CACNA1C: variants seen among roughly 807,000 people sequenced by gnomAD.
The protein encoded by CACNA1C is voltage-dependent L-type calcium channel subunit alpha-1C.
CACNA1C carries 30 observed loss-of-function variants against 229.0 expected under a neutral mutation model. The observed-to-expected ratio is 0.13, with a 90% CI of 0.10 to 0.18. The LOEUF (loss-of-function observed/expected upper bound fraction) is 0.18. Among genes scored for constraint, CACNA1C ranks in the 10% least tolerant of loss-of-function variants. The pLI is 1.00. For missense variants in CACNA1C, 1,658 were observed against 2,845.0 expected (o/e 0.58, Z 9.49); for synonymous variants, 1,114 against 1,132.5 (o/e 0.98, Z 0.33).
chr12:2,321,542 A>G (rs147885472), intron 3 of CACNA1C, among the ~76,000 whole-genome samples: 58 of 152,278 alleles, frequency 3.8e-4, no homozygotes, highest in African/African-American at 1.3e-3. Flanking sequence ...CTCTGGGGAT[A>G]AAGCAGTGGC....
At position 2,608,780 on chromosome 12, in the gene CACNA1C, C is replaced by T. The variant is rs544678739; in HGVS notation, c.3558+68C>T. 1.7e-5 allele frequency: 25 copies of T among 1,505,250 alleles called. No individual in the cohort carries two copies. The highest frequency in any genetic ancestry group is 1.5e-4 in the African/African-American group (11 of 72,800). 93.2% of individuals were successfully genotyped at this position (1,505,250 alleles called of 1,614,324 possible). A position where few individuals can be genotyped will look rare whatever the true frequency, so the allele number is the denominator to read the frequency against. On this transcript the variant is annotated intron_variant, in intron 27 of 46. Transcript: ENST00000399655. This position sits in a 1 kb window ranked among gnomAD's most constrained non-coding sequence, Gnocchi z 4.2. ...GGGAATGGCAGCCTGCGGCCCACCC[C>T]GCAGAGGGGCTGCGACAGGGAGAGG...
intron 3 of CACNA1C, among the ~76,000 whole-genome samples, chr12:2,350,783 C>T (rs1317242281): frequency 6.6e-6 from 1 of 152,218 alleles, no homozygotes; most frequent in African/African-American, 2.4e-5. Flanking sequence ...TTCGCAGGCA[C>T]CTCCCCATGT....
intron 29 of CACNA1C, among the ~76,000 whole-genome samples, chr12:2,623,996 G>A (rs2084861135): frequency 6.6e-6 from 1 of 152,174 alleles, no homozygotes; most frequent in Non-Finnish European, 1.5e-5. Context: ...GGGAAATTCT[G>A]GCTCAAGTGT....
chr12:2,667,028 C>T (rs191901140), intron 37 of CACNA1C, among the ~76,000 whole-genome samples: 63 of 152,264 alleles, frequency 4.1e-4, no homozygotes, highest in Admixed American at 2.4e-3. Context: ...CTGCACCATC[C>T]GGGCATCCTG....
At chr12:2,004,788 G>A (rs1278037667) in intron 1 of CACNA1C, 4 of 244,076 alleles carry the variant, frequency 1.6e-5, no homozygotes, top group Non-Finnish European at 3.2e-5. Context: ...CTTTTCTTTG[G>A]CGCTTCAGTG....
At chr12:2,043,906 C>T (rs1383704386) in intron 1 of CACNA1C, among the ~76,000 whole-genome samples, 3 of 151,784 alleles carry the variant, frequency 2.0e-5, no homozygotes, top group East Asian at 3.9e-4. Flanking sequence ...CCACCCGCCT[C>T]GGCCTCCCAA....
At chr12:2,018,087 A>G (rs2429136) in intron 1 of CACNA1C, 30,657 of 152,218 alleles carry the variant, frequency 0.2, 3,315 homozygotes, top group African/African-American at 0.24. Context: ...TAACAGAACA[A>G]TAAATCAAGC....
chr12:2,509,605 A>G (rs1002376809), intron 8 of CACNA1C, among the ~76,000 whole-genome samples: 2 of 152,180 alleles, frequency 1.3e-5, no homozygotes, highest in Non-Finnish European at 1.5e-5. Flanking sequence ...AGCTTATTTA[A>G]TGCACGTGTT....
chr12:2,529,152 T>A (rs972576364), intron 9 of CACNA1C, among the ~76,000 whole-genome samples: 1 of 152,216 alleles, frequency 6.6e-6, no homozygotes, highest in Non-Finnish European at 1.5e-5. Context: ...GCAAGTTAGG[T>A]TTGGTGACCT....
At chr12:2,389,760 C>G (rs2098453024) in intron 3 of CACNA1C, among the ~76,000 whole-genome samples, 1 of 152,190 alleles carries the variant, frequency 6.6e-6, no homozygotes, top group Non-Finnish European at 1.5e-5. Context: ...GGAGTCCCCA[C>G]TGATACTGGT....
chr12:2,179,390 T>C (rs183692588), intron 3 of CACNA1C, among the ~76,000 whole-genome samples: 1 of 152,272 alleles, frequency 6.6e-6, no homozygotes, highest in Admixed American at 6.5e-5. Context: ...AAGTAAGTTG[T>C]CTAATGAAAG....
chr12:2,432,676 C>G (rs1471162247), intron 3 of CACNA1C, among the ~76,000 whole-genome samples: 6 of 152,148 alleles, frequency 3.9e-5, no homozygotes, highest in African/African-American at 1.2e-4. Flanking sequence ...GTGCAATCTT[C>G]TTTTTAAAAA....
intron 3 of CACNA1C, among the ~76,000 whole-genome samples, chr12:2,160,135 C>T (rs1388747388): frequency 3.3e-5 from 5 of 152,112 alleles, no homozygotes; most frequent in Non-Finnish European, 7.3e-5. Flanking sequence ...TGGCTGTGGC[C>T]CTAGTGCGAT....
At chr12:2,016,325 G>A (rs1350184171) in intron 1 of CACNA1C, among the ~76,000 whole-genome samples, 10 of 152,198 alleles carry the variant, frequency 6.6e-5, no homozygotes, top group African/African-American at 1.2e-4. Context: ...TACAGACCCT[G>A]CCTTCCAGGA....
At chr12:2,547,027 G>A (rs1599627698) in intron 9 of CACNA1C, among the ~76,000 whole-genome samples, 1 of 152,274 alleles carries the variant, frequency 6.6e-6, no homozygotes, top group Admixed American at 6.5e-5. Flanking sequence ...ATTGGGTAGG[G>A]ATGAAGGGGA....
chr12:2,253,240 T>A (rs2076243639), intron 3 of CACNA1C, among the ~76,000 whole-genome samples: 1 of 152,246 alleles, frequency 6.6e-6, no homozygotes, highest in Non-Finnish European at 1.5e-5. Context: ...GTACATTTAA[T>A]AGTGGTTGAA....
At chr12:2,366,114 A>G (rs552994565) in intron 3 of CACNA1C, among the ~76,000 whole-genome samples, 8 of 152,354 alleles carry the variant, frequency 5.3e-5, no homozygotes, top group African/African-American at 1.9e-4. Context: ...ATTGAAACCA[A>G]TTAAATAGAG....
intron 34 of CACNA1C, among the ~76,000 whole-genome samples, chr12:2,658,238 T>TA (rs2095522901): frequency 6.6e-6 from 1 of 152,218 alleles, no homozygotes; most frequent in South Asian, 2.1e-4. Context: ...CAACTGCCCC[T>TA]ACTTTGATAT....
intron 3 of CACNA1C, among the ~76,000 whole-genome samples, chr12:2,351,383 A>G (rs2097198253): frequency 6.6e-6 from 1 of 152,170 alleles, no homozygotes; most frequent in Non-Finnish European, 1.5e-5. Context: ...CATTGGCTGA[A>G]GCAAAACCAT....
Sources: gnomAD v4.1 joint callset for allele counts (sites outside exome capture counted in the v4.1 genomes callset) on GRCh38, gnomAD v4.1.1 for gene constraint, Gnocchi (gnomAD v3.1) non-coding constraint, MANE v1.5 for transcripts, NCBI Gene and HGNC (gene_info 2026-07-23, HGNC 2026-07-21) for gene names.